The following CAMSAP1 variants were observed in gnomAD, a reference collection of about 807,000 sequenced individuals.
CAMSAP1 encodes calmodulin regulated spectrin associated protein 1.
In CAMSAP1, 58 loss-of-function variants were observed where a neutral mutation model predicts 143.5. The ratio of observed to expected loss-of-function variants is 0.40; its 90% CI spans 0.33 to 0.50. The LOEUF (loss-of-function observed/expected upper bound fraction) is 0.50. Among genes scored for constraint, CAMSAP1 ranks in the 20% least tolerant of loss-of-function variants. The pLI, the probability that CAMSAP1 is intolerant of heterozygous loss-of-function variation, is 0.45. For missense variants in CAMSAP1, 1,969 were observed against 2,115.7 expected, an observed-to-expected ratio of 0.93 and a Z score of 1.36; for synonymous variants, 945 against 859.3, an observed-to-expected ratio of 1.10 and a Z score of -1.74.
chr9:135,814,640 A>ACTCCGTC (rs990046500), intron 16 of CAMSAP1, among the ~76,000 whole-genome samples: 12 of 147,658 alleles, frequency 8.1e-5, no homozygotes, highest in Non-Finnish European at 3.0e-5. Flanking sequence ...CCAACCCACC[A>ACTCCGTC]CTCCGTCCTC....
intron 7 of CAMSAP1, among the ~76,000 whole-genome samples, chr9:135,846,730 G>A (rs965959734): frequency 6.8e-6 from 1 of 148,114 alleles, no homozygotes; most frequent in South Asian, 2.1e-4. Flanking sequence ...GGATTTGAAT[G>A]GACGCACTTC....
Position 135,818,491 on chromosome 9 carries a change from T to C in CAMSAP1, c.4085A>G (p.Lys1362Arg). The change falls in exon 13 of 17, where the codon AAG (lysine) becomes AGG (arginine). Residue 1362 changes from lysine (K) to arginine (R), a missense_variant. Physicochemically the swap from Lys to Arg is conservative, Grantham distance 26. Around this residue, in one of 4 missense-constraint regions of CAMSAP1, gnomAD observed 1,390 missense variants for 1,420.8 expected, o/e 0.98. Transcript: ENST00000389532. The surrounding 1 kb of genome is among the most constrained non-coding windows in gnomAD (Gnocchi z 7.7). ...CGGCCGCGGCTTCTTCGGCTTTGACTTGGGCTTGCCGAGCCCCTGCTCCTC... is the reference window on the plus strand; with the variant it reads ...CGGCCGCGGCTTCTTCGGCTTTGACCTGGGCTTGCCGAGCCCCTGCTCCTC... Reference protein sequence around the residue: ...ILEEQGLGKPKSKPKKPRPKS... With the variant: ...ILEEQGLGKPRSKPKKPRPKS... 2.5e-6 allele frequency: 4 copies of C among 1,610,376 alleles called. No individual in the cohort carries two copies. The highest frequency in any genetic ancestry group is 3.4e-6 in the Non-Finnish European group (4 of 1,179,658).
intron 8 of CAMSAP1, among the ~76,000 whole-genome samples, chr9:135,825,873 C>T (rs1373460989): frequency 6.6e-6 from 1 of 152,180 alleles, no homozygotes; most frequent in East Asian, 1.9e-4. Flanking sequence ...ACCAAAGAGA[C>T]ACAGTGAGAG....
intron 16 of CAMSAP1, among the ~76,000 whole-genome samples, chr9:135,812,270 T>C (rs1564412115): frequency 6.6e-6 from 1 of 152,072 alleles, no homozygotes; most frequent in Non-Finnish European, 1.5e-5. Flanking sequence ...AACCCAAGTG[T>C]GCATCAGCAG....
chr9:135,890,031 G>A (rs1360345429), intron 1 of CAMSAP1, among the ~76,000 whole-genome samples: 1 of 151,988 alleles, frequency 6.6e-6, no homozygotes, highest in Non-Finnish European at 1.5e-5. Context: ...AGGAGCATGG[G>A]AGGCCCCTCG....
intron 1 of CAMSAP1, among the ~76,000 whole-genome samples, chr9:135,902,837 G>A (rs548390170): frequency 6.6e-6 from 1 of 152,230 alleles, no homozygotes; most frequent in South Asian, 2.1e-4. Flanking sequence ...CTTCTGCACA[G>A]GGCCACGTGC....
At chr9:135,817,723 A>C (rs1835282216) in intron 14 of CAMSAP1, 1 of 437,512 alleles carries the variant, frequency 2.3e-6, no homozygotes, top group Non-Finnish European at 4.2e-6. Flanking sequence ...AACGATGAAG[A>C]AGCAGGTGTG....
intron 7 of CAMSAP1, among the ~76,000 whole-genome samples, chr9:135,848,622 CTTCA>C (rs771838742): frequency 7.2e-5 from 11 of 152,178 alleles, no homozygotes; most frequent in South Asian, 2.1e-4. Context: ...GATTCTGTGC[CTTCA>C]TTATCAGGAG....
chr9:135,888,410 C>A (rs2035096746), intron 1 of CAMSAP1, among the ~76,000 whole-genome samples: 1 of 152,204 alleles, frequency 6.6e-6, no homozygotes, highest in South Asian at 2.1e-4. Context: ...GGCAAAGACC[C>A]CTCTGGCAGG....
At chr9:135,839,710 G>C (rs1836268854) in intron 7 of CAMSAP1, among the ~76,000 whole-genome samples, 1 of 152,142 alleles carries the variant, frequency 6.6e-6, no homozygotes, top group Non-Finnish European at 1.5e-5. Context: ...ACGGAGTTGT[G>C]CCTTGGGACC....
Position 135,907,104 on chromosome 9 carries a change from G to C in CAMSAP1, c.56C>G (p.Pro19Arg). ...AAEGWRKMEA[P>R]PDGAADLVPL... ...CACGAGGTCGGCGGCGCCGTCCGGC[G>C]GGGCCTCCATCTTCCTCCAGCCCTC... Residue 19 changes from proline (P) to arginine (R), a missense_variant, in exon 1 of 17, where the codon CCG (proline) becomes CGG (arginine). Pro to Arg is a moderately radical substitution (Grantham distance 103). Around this residue, in one of 4 missense-constraint regions of CAMSAP1, gnomAD observed 215 missense variants for 196.2 expected, o/e 1.10. Coordinates refer to ENST00000389532, the MANE Select transcript of CAMSAP1 (RefSeq NM_015447.4). 1 of 1,141,112 alleles carries C rather than the reference G, an allele frequency of 8.8e-7. No individual in the cohort carries two copies. The highest frequency in any genetic ancestry group is 1.1e-6 in the Non-Finnish European group (1 of 926,344). 70.7% of individuals were successfully genotyped at this position (1,141,112 alleles called of 1,614,324 possible).
chr9:135,842,069 T>C (rs1408829968), intron 7 of CAMSAP1, among the ~76,000 whole-genome samples: 2 of 152,170 alleles, frequency 1.3e-5, no homozygotes, highest in African/African-American at 4.8e-5. Context: ...AGGAGCATGT[T>C]CTAACTTAAT....
chr9:135,863,120 G>A (rs1035459655), intron 4 of CAMSAP1, among the ~76,000 whole-genome samples: 5 of 152,210 alleles, frequency 3.3e-5, no homozygotes, highest in African/African-American at 1.2e-4. Flanking sequence ...AGCCAGGTTA[G>A]ACAAAATTTC....
At chr9:135,902,185 A>G (rs771412019) in intron 1 of CAMSAP1, among the ~76,000 whole-genome samples, 3 of 152,256 alleles carry the variant, frequency 2.0e-5, no homozygotes, top group Non-Finnish European at 4.4e-5. Flanking sequence ...CTCAGGAAGC[A>G]TTTGAAGATG....
chr9:135,822,216 G>C lies in CAMSAP1; in HGVS notation c.2445C>G (p.Thr815=). ...TCTGGAGCTTCCTCTCCGCAAAGCT[G>C]GTCATCTTCACGCTCCCACTCGCCA... ...VSMASGSVKM[T]SFAERKLQRL... is the part of the protein sequence containing the mutation. The change falls in exon 11 of 17, where the codon ACC becomes ACG. Residue 815 remains threonine, a synonymous_variant. Coordinates refer to ENST00000389532, the MANE Select transcript of CAMSAP1 (RefSeq NM_015447.4). This position sits in a 1 kb window ranked among gnomAD's most constrained non-coding sequence, Gnocchi z 6.1. 6.2e-7 allele frequency: 1 copy of C among 1,613,976 alleles called. No homozygotes were observed. Among genetic ancestry groups the C allele is most frequent in the South Asian group, 1.1e-5 (1 of 91,088 alleles).
At position 135,822,656 on chromosome 9, in the gene CAMSAP1, G is replaced by A. The variant is rs756421203; in HGVS notation, c.2005C>T (p.Pro669Ser). 2 of 1,609,964 alleles carry A rather than the reference G, an allele frequency of 1.2e-6. No homozygotes were observed. Among genetic ancestry groups the A allele is most frequent in the Non-Finnish European group, 1.7e-6 (2 of 1,177,638 alleles). The change falls in exon 11 of 17, where the codon CCA becomes TCA. Residue 669 changes from proline (P) to serine (S), a missense_variant. Coordinates refer to ENST00000389532, the MANE Select transcript of CAMSAP1 (RefSeq NM_015447.4). This position sits in a 1 kb window ranked among gnomAD's most constrained non-coding sequence, Gnocchi z 6.1. Reference protein sequence around the residue: ...PMGIDPTETGPLSVETAGEVC... With the variant: ...PMGIDPTETGSLSVETAGEVC... ...TCTCCTGCGGTTTCCACTGACAGTG[G>A]TCCTGTCTCGGTGGGGTCGATGCCC... is the stretch of plus-strand genomic sequence containing the variant.
intron 5 of CAMSAP1, among the ~76,000 whole-genome samples, chr9:135,855,255 G>A (rs1588476596): frequency 1.3e-5 from 2 of 152,050 alleles, no homozygotes; most frequent in South Asian, 4.2e-4. Flanking sequence ...GCCTCCCAAA[G>A]GGCTGGGATT....
intron 1 of CAMSAP1, among the ~76,000 whole-genome samples, chr9:135,906,008 T>C (rs1471017491): frequency 2.6e-5 from 4 of 152,232 alleles, no homozygotes. Flanking sequence ...AAAAACTCTT[T>C]CCCAATTACT....
chr9:135,905,385 G>C (rs749566146), intron 1 of CAMSAP1, among the ~76,000 whole-genome samples: 1 of 152,190 alleles, frequency 6.6e-6, no homozygotes, highest in Non-Finnish European at 1.5e-5. Flanking sequence ...TCTTTTTATA[G>C]CAATTTGTCT....
Sources: gnomAD v4.1 joint callset for allele counts (sites outside exome capture counted in the v4.1 genomes callset) on GRCh38, gnomAD v4.1.1 for gene constraint, gnomAD v4.1.1 regional missense constraint, Gnocchi (gnomAD v3.1) non-coding constraint, MANE v1.5 for transcripts, NCBI Gene and HGNC (gene_info 2026-07-23, HGNC 2026-07-21) for gene names.